Variants in ERC2 observed in about 807,000 individuals in gnomAD.
ERC2 encodes ERC protein 2.
ERC2 carries 42 observed loss-of-function variants against 114.8 expected under a neutral mutation model. That is an observed-to-expected ratio of 0.37 (90% confidence interval 0.29 to 0.47). ERC2 has a LOEUF of 0.47. Among genes scored for constraint, ERC2 ranks in the 20% least tolerant of loss-of-function variants. The pLI is 0.99. For missense variants in ERC2, 939 were observed against 1,150.7 expected, an observed-to-expected ratio of 0.82 and a Z score of 2.66; for synonymous variants, 454 against 425.5, an observed-to-expected ratio of 1.07 and a Z score of -0.82.
intron 14 of ERC2, among the ~76,000 whole-genome samples, chr3:55,774,422 C>T (rs1250067772): frequency 2.0e-5 from 3 of 152,246 alleles, no homozygotes; most frequent in South Asian, 2.1e-4. Flanking sequence ...AGGGACCCCC[C>T]GACTTCGTGG....
chr3:55,997,126 C>T (rs1251943604), intron 10 of ERC2, among the ~76,000 whole-genome samples: 6 of 152,092 alleles, frequency 3.9e-5, no homozygotes, highest in African/African-American at 1.4e-4. Context: ...TTGAAATAAA[C>T]CCTACCAATT....
rs2066737494 is a variant in ERC2, at chr3:55,940,801, C to CA, written c.2403+9623_2403+9624insT. Reference sequence around the variant, plus strand: ...GTCTAACTCACTACTTAAAATAAAGCTTAATCCGTTTCCATAAAATCCATG... The same window carrying CA: ...GTCTAACTCACTACTTAAAATAAAGCATTAATCCGTTTCCATAAAATCCATG... On this transcript the variant is annotated intron_variant, in intron 13 of 17. Coordinates refer to ENST00000288221, the MANE Select transcript of ERC2 (RefSeq NM_015576.3). Among the ~76,000 whole-genome samples, 3 of 152,162 alleles carry CA rather than the reference C, an allele frequency of 2.0e-5. No individual in the cohort carries two copies. The South Asian group carries it at 6.2e-4, about 32-fold the overall frequency.
intron 2 of ERC2, among the ~76,000 whole-genome samples, chr3:56,371,669 C>T (rs904568931): frequency 6.6e-6 from 1 of 152,220 alleles, no homozygotes; most frequent in Non-Finnish European, 1.5e-5. Flanking sequence ...ACATTCTCAC[C>T]TCTCTACCCC....
chr3:56,295,150 TC>T lies in ERC2; in HGVS notation c.1074+868del, dbSNP rs1314995634. Among the ~76,000 whole-genome samples the T allele has an allele frequency of 3.3e-5, 5 of 152,310 alleles. No homozygotes were observed. In the East Asian group the frequency reaches 9.6e-4, roughly 29 times the overall value. ...TAGTTTGGTCTAGAAGGAAATATCT[TC>T]TAGAATTTTTATTTATTGCTATAGA... On this transcript the variant is annotated intron_variant, in intron 3 of 17. Coordinates refer to ENST00000288221, the MANE Select transcript of ERC2 (RefSeq NM_015576.3).
intron 7 of ERC2, among the ~76,000 whole-genome samples, chr3:56,052,907 C>T (rs1337181384): frequency 1.3e-5 from 2 of 152,250 alleles, no homozygotes; most frequent in South Asian, 2.1e-4. Flanking sequence ...ACAGACCACA[C>T]CTCCAGCCTC....
At chr3:55,609,758 G>C (rs2058807405) in intron 17 of ERC2, among the ~76,000 whole-genome samples, 1 of 151,926 alleles carries the variant, frequency 6.6e-6, no homozygotes, top group East Asian at 1.9e-4. Flanking sequence ...ACCATTTTAT[G>C]GGCAGGAGGA....
intron 3 of ERC2, among the ~76,000 whole-genome samples, chr3:56,175,858 G>C (rs1360821351): frequency 6.6e-6 from 1 of 152,170 alleles, no homozygotes; most frequent in Non-Finnish European, 1.5e-5. Flanking sequence ...TTAATTGTGA[G>C]TTTGTACATT....
At chr3:55,597,277 G>A (rs1325997648) in intron 17 of ERC2, among the ~76,000 whole-genome samples, 5 of 152,032 alleles carry the variant, frequency 3.3e-5, no homozygotes, top group South Asian at 2.1e-4. Context: ...AAAATTAGCC[G>A]GGTGTGGTGG....
rs559420067 is a variant in ERC2, at chr3:56,199,887, T to C, written c.1075-26367A>G. On this transcript the variant is annotated intron_variant, in intron 3 of 17. Transcript: ENST00000288221. ...AGGAGAAACTGTGGACTCAGGACAC[T>C]AGATAAGAAGGGAATGATGATGGTG... 2.6e-5 allele frequency among the ~76,000 whole-genome samples: 4 copies of C among 151,986 alleles called. No individual in the cohort carries two copies. In the East Asian group the frequency reaches 7.8e-4, roughly 30 times the overall value.
intron 3 of ERC2, among the ~76,000 whole-genome samples, chr3:56,251,106 G>A (rs2052121538): frequency 6.6e-6 from 1 of 152,054 alleles, no homozygotes; most frequent in African/African-American, 2.4e-5. Context: ...CACATGTAAG[G>A]GCTGAAGACA....
chr3:55,741,848 A>G (rs184965658), intron 14 of ERC2, among the ~76,000 whole-genome samples: 7 of 152,334 alleles, frequency 4.6e-5, no homozygotes, highest in Admixed American at 2.0e-4. Context: ...AAAGTGTATC[A>G]TAGACAGCAT....
intron 3 of ERC2, among the ~76,000 whole-genome samples, chr3:56,212,746 A>ATG (rs200404953): frequency 2.6e-5 from 4 of 151,962 alleles, no homozygotes; most frequent in African/African-American, 9.7e-5. Flanking sequence ...TATGATATAT[A>ATG]TATGTGTGTG....
At chr3:55,691,239 A>G (rs1194974089) in intron 16 of ERC2, among the ~76,000 whole-genome samples, 1 of 152,034 alleles carries the variant, frequency 6.6e-6, no homozygotes, top group Admixed American at 6.6e-5. Context: ...ATATCTTTCT[A>G]TTTCTTAACC....
chr3:55,522,952 A>C (rs2107216703), intron 17 of ERC2, among the ~76,000 whole-genome samples: 1 of 152,326 alleles, frequency 6.6e-6, no homozygotes, highest in East Asian at 1.9e-4. Context: ...AAGAGAGGAA[A>C]ATGTGTTTTC....
At chr3:55,830,078 G>A (rs1212741180) in intron 14 of ERC2, among the ~76,000 whole-genome samples, 1 of 152,088 alleles carries the variant, frequency 6.6e-6, no homozygotes, top group Non-Finnish European at 1.5e-5. Context: ...ACAAAAATAG[G>A]CTTCAAAGCA....
chr3:56,128,906 G>A (rs2080042300), intron 6 of ERC2, among the ~76,000 whole-genome samples: 1 of 152,158 alleles, frequency 6.6e-6, no homozygotes, highest in Non-Finnish European at 1.5e-5. Flanking sequence ...TTTCAAATTA[G>A]CAACTGCCAA....
At chr3:56,216,738 C>T (rs559310266) in intron 3 of ERC2, among the ~76,000 whole-genome samples, 151 of 152,256 alleles carry the variant, frequency 9.9e-4, no homozygotes, top group African/African-American at 3.6e-3. Flanking sequence ...TGCAAAAATC[C>T]TCAGTAAAAT....
At chr3:56,010,145 T>C (rs1400626719) in intron 9 of ERC2, among the ~76,000 whole-genome samples, 1 of 152,148 alleles carries the variant, frequency 6.6e-6, no homozygotes, top group Admixed American at 6.5e-5. Context: ...CAAGGGATCA[T>C]GGGCCTGTGA....
At chr3:56,430,840 A>G (rs1336175943) in intron 2 of ERC2, among the ~76,000 whole-genome samples, 1 of 152,054 alleles carries the variant, frequency 6.6e-6, no homozygotes, top group African/African-American at 2.4e-5. Context: ...TCTTATCAAA[A>G]CTAGTCATTT....
Sources: gnomAD v4.1 joint callset for allele counts (sites outside exome capture counted in the v4.1 genomes callset) on GRCh38, gnomAD v4.1.1 for gene constraint, MANE v1.5 for transcripts, NCBI Gene and HGNC (gene_info 2026-07-23, HGNC 2026-07-21) for gene names.